The following NGF variants were observed in gnomAD, a reference collection of about 807,000 sequenced individuals.
NGF encodes nerve growth factor.
In NGF, 4 loss-of-function variants were observed where a neutral mutation model predicts 12.8. That is an observed-to-expected ratio of 0.31 (90% CI 0.15 to 0.72). The LOEUF (loss-of-function observed/expected upper bound fraction) is 0.72, where lower values mean the gene tolerates loss of function less well. NGF is among the 30% of genes least tolerant of loss of function. The pLI is 0.69. For missense variants in NGF, 283 were observed against 330.8 expected, an observed-to-expected ratio of 0.86 and a Z score of 1.12; for synonymous variants, 140 against 130.0, an observed-to-expected ratio of 1.08 and a Z score of -0.52.
In NGF at chr1:115,290,321, A is replaced by G. The variant is rs181044201; in HGVS notation, c.-13+3306T>C. Among the ~76,000 whole-genome samples the G allele has an allele frequency of 1.1e-3, 161 of 151,424 alleles. 1 individual carries two copies. The highest frequency in any genetic ancestry group is 0.01 in the South Asian group (50 of 4,778). ...GTGGAATCCTTCCTGTTGTCCTTCA[A>G]CAACTTCAATGCTGCTTCCCCTGGG... is the stretch of plus-strand genomic sequence containing the variant. On this transcript the variant is annotated intron_variant, in intron 2 of 2. Coordinates refer to ENST00000369512, the MANE Select transcript of NGF (RefSeq NM_002506.3).
chr1:115,306,838 G>A (rs1278594775), intron 1 of NGF, among the ~76,000 whole-genome samples: 3 of 152,214 alleles, frequency 2.0e-5, no homozygotes, highest in Non-Finnish European at 4.4e-5. Context: ...CACCTACAGG[G>A]TAACAGTGAC....
chr1:115,322,806 G>A (rs757929675), intron 1 of NGF, among the ~76,000 whole-genome samples: 2 of 152,110 alleles, frequency 1.3e-5, no homozygotes, highest in East Asian at 1.9e-4. Context: ...ATGCCATGGC[G>A]ACGACCTTCT....
intron 1 of NGF, among the ~76,000 whole-genome samples, chr1:115,332,141 A>G (rs1654938557): frequency 6.6e-6 from 1 of 152,248 alleles, no homozygotes; most frequent in African/African-American, 2.4e-5. Flanking sequence ...TACGTGGAGT[A>G]AGGAAGCAAA....
At chr1:115,309,444 T>C (rs914439295) in intron 1 of NGF, among the ~76,000 whole-genome samples, 8 of 152,258 alleles carry the variant, frequency 5.3e-5, no homozygotes, top group African/African-American at 1.9e-4. Context: ...ATTATTATTA[T>C]ACTTTAAGTT....
intron 2 of NGF, among the ~76,000 whole-genome samples, chr1:115,291,692 C>G (rs1653704487): frequency 6.6e-6 from 1 of 152,222 alleles, no homozygotes; most frequent in Admixed American, 6.5e-5. Flanking sequence ...ATGGTTCACA[C>G]ACTCCAATAA....
chr1:115,303,100 A>C lies in NGF; in HGVS notation c.-136-9350T>G, dbSNP rs112480416. Among the ~76,000 whole-genome samples, 389 of 151,746 alleles carry C rather than the reference A, an allele frequency of 2.6e-3. 3 individuals carry two copies. Among genetic ancestry groups the C allele is most frequent in the African/African-American group, 7.9e-3 (326 of 41,010 alleles). On this transcript the variant is annotated intron_variant, in intron 1 of 2. Coordinates refer to ENST00000369512, the MANE Select transcript of NGF (RefSeq NM_002506.3). ...AAGAAATAAAAAACCCCAACAAACA[A>C]ACACCAAAAATTTCACAACCAGTAG...
chr1:115,296,434 G>A (rs546493449), intron 1 of NGF, among the ~76,000 whole-genome samples: 55 of 152,308 alleles, frequency 3.6e-4, no homozygotes, highest in Admixed American at 1.7e-3. Flanking sequence ...TGGATGACTA[G>A]AAGAAGAGGG....
At chr1:115,337,267 GTTTTTTTTTTTT>G (rs67307707) in intron 1 of NGF, among the ~76,000 whole-genome samples, 3,932 of 81,150 alleles carry the variant, frequency 0.048, 449 homozygotes, top group East Asian at 0.18. Flanking sequence ...TTTTGTTTTT[GTTTTTTTTTTTT>G]TTTTTTTTTT....
chr1:115,326,941 C>G (rs1266434976), intron 1 of NGF, among the ~76,000 whole-genome samples: 3 of 152,170 alleles, frequency 2.0e-5, no homozygotes, highest in South Asian at 2.1e-4. Context: ...GATTAAGAAA[C>G]AGAGGCTCAG....
intron 1 of NGF, among the ~76,000 whole-genome samples, chr1:115,326,443 C>G (rs1038732179): frequency 1.3e-5 from 2 of 152,170 alleles, no homozygotes; most frequent in East Asian, 3.9e-4. Flanking sequence ...ACTGATACCA[C>G]TTTATAGCCG....
chr1:115,336,000 G>A lies in NGF; in HGVS notation c.-137+2204C>T, dbSNP rs529859340. ...CTACCCTACTCTCCCTGCTGATGTC[G>A]GCAACCAGGGCCCCCTTCTTGTCCA... is the stretch of plus-strand genomic sequence containing the variant. On this transcript the variant is annotated intron_variant, in intron 1 of 2. Coordinates refer to ENST00000369512, the MANE Select transcript of NGF (RefSeq NM_002506.3). Among the ~76,000 whole-genome samples the A allele has an allele frequency of 9.2e-5, 14 of 152,204 alleles. No homozygotes were observed. The South Asian group carries it at 2.7e-3, about 29-fold the overall frequency.
At chr1:115,298,675 T>C (rs1317425673) in intron 1 of NGF, among the ~76,000 whole-genome samples, 1 of 152,168 alleles carries the variant, frequency 6.6e-6, no homozygotes, top group Non-Finnish European at 1.5e-5. Flanking sequence ...AGAGGTCTTT[T>C]TGGCCAAGTG....
chr1:115,302,618 G>A (rs1020077510), intron 1 of NGF, among the ~76,000 whole-genome samples: 3 of 152,242 alleles, frequency 2.0e-5, no homozygotes, highest in Non-Finnish European at 4.4e-5. Flanking sequence ...TGAATCAGCC[G>A]AGTTTCTGGC....
chr1:115,322,480 C>T (rs1654656323), intron 1 of NGF, among the ~76,000 whole-genome samples: 1 of 152,124 alleles, frequency 6.6e-6, no homozygotes, highest in Non-Finnish European at 1.5e-5. Context: ...GCTATAAATG[C>T]CCTCTGACAC....
At chr1:115,326,157 G>A (rs542317915) in intron 1 of NGF, among the ~76,000 whole-genome samples, 13 of 152,212 alleles carry the variant, frequency 8.5e-5, no homozygotes, top group African/African-American at 3.1e-4. Flanking sequence ...GAGGTTCAGA[G>A]AATAAGGAGA....
chr1:115,298,830 A>G (rs1333940642), intron 1 of NGF, among the ~76,000 whole-genome samples: 1 of 151,658 alleles, frequency 6.6e-6, no homozygotes, highest in Non-Finnish European at 1.5e-5. Context: ...GTTTCCACCC[A>G]GGAGAGCTCT....
chr1:115,288,045 T>C (rs1251755853), intron 2 of NGF, among the ~76,000 whole-genome samples: 1 of 152,206 alleles, frequency 6.6e-6, no homozygotes, highest in East Asian at 1.9e-4. Context: ...AATTCTATCC[T>C]TTCTCCCATC....
chr1:115,306,567 A>C (rs1167071718), intron 1 of NGF, among the ~76,000 whole-genome samples: 1 of 152,330 alleles, frequency 6.6e-6, no homozygotes, highest in South Asian at 2.1e-4. Flanking sequence ...CCAGAAGAGA[A>C]AGAACCATCT....
At chr1:115,307,627 A>G (rs1223344685) in intron 1 of NGF, among the ~76,000 whole-genome samples, 6 of 152,232 alleles carry the variant, frequency 3.9e-5, no homozygotes, top group Non-Finnish European at 8.8e-5. Context: ...ACTCTACCAA[A>G]AGAACCCAGA....
Sources: gnomAD v4.1 joint callset for allele counts (sites outside exome capture counted in the v4.1 genomes callset) on GRCh38, gnomAD v4.1.1 for gene constraint, MANE v1.5 for transcripts, NCBI Gene and HGNC (gene_info 2026-07-23, HGNC 2026-07-21) for gene names.